Variants in STOX2 observed in about 807,000 individuals in gnomAD.
The protein encoded by STOX2 is storkhead-box protein 2.
STOX2 carries 28 observed loss-of-function variants against 60.9 expected under a neutral mutation model. The observed-to-expected ratio is 0.46, with a 90% CI of 0.34 to 0.63. The LOEUF is 0.63. STOX2 is among the 30% of genes least tolerant of loss of function. The probability of loss-of-function intolerance (pLI) is 0.01; values close to 1 mark genes in which losing one functional copy is unlikely to be tolerated. For synonymous variants in STOX2, 472 were observed against 463.9 expected, an observed-to-expected ratio of 1.02 and a Z score of -0.22; for missense variants, 1,024 against 1,187.7, an observed-to-expected ratio of 0.86 and a Z score of 2.03.
chr4:183,843,083 G>C (rs1207644856), intron 1 of STOX2, among the ~76,000 whole-genome samples: 1 of 149,662 alleles, frequency 6.7e-6, no homozygotes. Context: ...AGGAGGCAGA[G>C]GTTGCAGCGA....
rs1733572801 is a variant in STOX2, at chr4:184,001,076, G to T, written c.167-249G>T. ...CTTTCAGTACTAGGACTATTTAAAT[G>T]AGATCTCGGATGTTAAAGGGAAGTT... On this transcript the variant is annotated intron_variant, in intron 1 of 3. Transcript: ENST00000308497. This position sits in a 1 kb window ranked among gnomAD's most constrained non-coding sequence, Gnocchi z 4.2. Among the ~76,000 whole-genome samples the T allele has an allele frequency of 1.3e-5, 2 of 152,188 alleles. No individual in the cohort carries two copies. The highest frequency in any genetic ancestry group is 1.5e-5 in the Non-Finnish European group (1 of 68,038).
At chr4:183,995,109 G>C (rs892100074) in intron 1 of STOX2, among the ~76,000 whole-genome samples, 1 of 152,058 alleles carries the variant, frequency 6.6e-6, no homozygotes, top group African/African-American at 2.4e-5. Flanking sequence ...TTTGTAGCAG[G>C]TATCTTTTGG....
Position 184,001,411 on chromosome 4 carries a change from A to G in STOX2, c.253A>G (p.Met85Val), listed in dbSNP as rs775770135. The G allele has an allele frequency of 1.2e-6, 2 of 1,613,914 alleles. No individual in the cohort carries two copies. Among genetic ancestry groups the G allele is most frequent in the Non-Finnish European group, 1.7e-6 (2 of 1,179,878 alleles). ...GATCCTCTGCTTGGCCATCTCAGCA[A>G]TGAACTCGGCAAGAAAGCCTGTCAC... is the stretch of plus-strand genomic sequence containing the variant. ...GEILCLAISA[M>V]NSARKPVTQE... Residue 85 changes from methionine to valine, a missense_variant, in exon 2 of 4, where the codon ATG becomes GTG. Met to Val is a conservative substitution (Grantham distance 21, BLOSUM62 1). Transcript: ENST00000308497. This position sits in a 1 kb window ranked among gnomAD's most constrained non-coding sequence, Gnocchi z 4.2.
At chr4:184,000,405 C>T (rs1221576485) in intron 1 of STOX2, among the ~76,000 whole-genome samples, 1 of 152,176 alleles carries the variant, frequency 6.6e-6, no homozygotes, top group Non-Finnish European at 1.5e-5. Flanking sequence ...GCCACATTCT[C>T]TGAGGGAATT....
Position 183,908,569 on chromosome 4 carries a change from T to C in STOX2, c.166+1613T>C, listed in dbSNP as rs1375534382. Among the ~76,000 whole-genome samples, 3 of 149,342 alleles carry C rather than the reference T, an allele frequency of 2.0e-5. No homozygotes were observed. In the East Asian group the frequency reaches 5.9e-4, roughly 29 times the overall value. On this transcript the variant is annotated intron_variant, in intron 1 of 3. Transcript: ENST00000308497. ...AACCTGCAACACTCTGTTTCATGAT[T>C]CAGGCACATTTCCAGGCAGCCAGTT...
intron 1 of STOX2, among the ~76,000 whole-genome samples, chr4:183,981,348 G>GT (rs1732652395): frequency 1.3e-5 from 2 of 151,992 alleles, no homozygotes; most frequent in Admixed American, 6.6e-5. Flanking sequence ...GAATCTAATT[G>GT]TTTTTCCTCT....
chr4:183,827,071 C>T (rs534731498), intron 1 of STOX2, among the ~76,000 whole-genome samples: 3 of 152,298 alleles, frequency 2.0e-5, no homozygotes, highest in East Asian at 3.8e-4. Context: ...GTTAGGTGCC[C>T]AGGGTCACCT....
intron 1 of STOX2, among the ~76,000 whole-genome samples, chr4:183,866,585 T>A (rs958226447): frequency 2.0e-5 from 3 of 152,222 alleles, no homozygotes; most frequent in Non-Finnish European, 4.4e-5. Flanking sequence ...TTACTGAGAA[T>A]TACTGTGCCA....
At position 184,019,284 on chromosome 4, in the gene STOX2, G is replaced by C. The variant is rs114317929; in HGVS notation, c.*2000G>C. 1 of 152,114 alleles carries C rather than the reference G, an allele frequency of 6.6e-6. No homozygotes were observed. Among genetic ancestry groups the C allele is most frequent in the Non-Finnish European group, 1.5e-5 (1 of 68,020 alleles). 9.4% of individuals were successfully genotyped at this position (152,114 alleles called of 1,614,324 possible). A position where few individuals can be genotyped will look rare whatever the true frequency, so the allele number is the denominator to read the frequency against. Reference sequence around the variant, plus strand: ...TATTTCCTCCAAGGCATGCCTCAACGCATTGTTTGTCTCATTGCTTAAATA... The same window carrying C: ...TATTTCCTCCAAGGCATGCCTCAACCCATTGTTTGTCTCATTGCTTAAATA... On this transcript the variant is annotated 3_prime_UTR_variant, in exon 4 of 4. Transcript: ENST00000308497.
chr4:183,801,559 CT>C (rs1358620535), intron 1 of STOX2, among the ~76,000 whole-genome samples: 1 of 152,152 alleles, frequency 6.6e-6, no homozygotes, highest in Non-Finnish European at 1.5e-5. Flanking sequence ...TTACTTCTGT[CT>C]TGTGAGCTGG....
intron 1 of STOX2, among the ~76,000 whole-genome samples, chr4:183,918,259 T>G (rs1292847186): frequency 6.6e-6 from 1 of 152,254 alleles, no homozygotes; most frequent in Non-Finnish European, 1.5e-5. Flanking sequence ...ATTCACAGAA[T>G]TATTCATTTA....
chr4:184,011,114 G>A lies in STOX2; in HGVS notation c.2276G>A (p.Arg759His), dbSNP rs372857498. The A allele has an allele frequency of 4.4e-5, 69 of 1,583,100 alleles. No homozygotes were observed. Among genetic ancestry groups the A allele is most frequent in the Admixed American group, 2.7e-4 (15 of 55,222 alleles). ...GCACAAGCCATGCCTGCTTCCCAGC[G>A]TCAGCAGGAGTCAGGAGGGAACCAG... ...SAAQAMPASQ[R>H]QQESGGNQEA... is the part of the protein sequence containing the mutation. Residue 759 changes from arginine to histidine, a missense_variant, in exon 3 of 4, where the codon CGT becomes CAT. Physicochemically the swap from Arg to His is conservative, Grantham distance 29. Around this residue, in one of 3 missense-constraint regions of STOX2, gnomAD observed 922 missense variants for 1,058.3 expected, o/e 0.87. Coordinates refer to ENST00000308497, the MANE Select transcript of STOX2 (RefSeq NM_020225.3). This position sits in a 1 kb window ranked among gnomAD's most constrained non-coding sequence, Gnocchi z 4.4.
chr4:183,994,525 G>T (rs1040946703), intron 1 of STOX2, among the ~76,000 whole-genome samples: 1 of 152,202 alleles, frequency 6.6e-6, no homozygotes, highest in Non-Finnish European at 1.5e-5. Flanking sequence ...CCAGCGTGAT[G>T]GAAGCAGAGC....
chr4:183,952,867 G>C (rs1349465520), intron 1 of STOX2, among the ~76,000 whole-genome samples: 1 of 151,950 alleles, frequency 6.6e-6, no homozygotes, highest in Non-Finnish European at 1.5e-5. Flanking sequence ...CATAAAAAAG[G>C]ATGAGTTCAT....
chr4:183,972,503 G>A (rs919884732), intron 1 of STOX2, among the ~76,000 whole-genome samples: 1 of 152,176 alleles, frequency 6.6e-6, no homozygotes, highest in Admixed American at 6.5e-5. Flanking sequence ...CGCTTTGAGA[G>A]CTGAAATATG....
intron 1 of STOX2, among the ~76,000 whole-genome samples, chr4:183,860,043 A>ATATAATTC (rs1740394612): frequency 6.6e-6 from 1 of 152,156 alleles, no homozygotes; most frequent in Non-Finnish European, 1.5e-5. Context: ...TAAAGATAAT[A>ATATAATTC]TATAATTCTG....
chr4:183,861,729 G>A lies in STOX2; in HGVS notation c.364+63674G>A, dbSNP rs151269904. On this transcript the variant is annotated intron_variant, in intron 1 of 2. Transcript: ENST00000513034. ...ATATATGTAAAGTGCCTCGCAGGGC[G>A]TAGGGCTCATTGTGGGTCCTCAAAA... Among the ~76,000 whole-genome samples the A allele has an allele frequency of 2.6e-5, 4 of 152,312 alleles. No individual in the cohort carries two copies. In the East Asian group the frequency reaches 5.8e-4, roughly 22 times the overall value.
chr4:183,892,785 A>C (rs552229826), intron 1 of STOX2, among the ~76,000 whole-genome samples: 4 of 152,200 alleles, frequency 2.6e-5, no homozygotes, highest in Non-Finnish European at 2.9e-5. Context: ...CACTTGTTCC[A>C]GAGTCTGAGT....
intron 1 of STOX2, among the ~76,000 whole-genome samples, chr4:183,880,371 C>T (rs954113896): frequency 5.9e-5 from 9 of 151,710 alleles, no homozygotes; most frequent in Non-Finnish European, 1.0e-4. Flanking sequence ...AGTTATTAGA[C>T]GATTTGATTC....
Sources: gnomAD v4.1 joint callset for allele counts (sites outside exome capture counted in the v4.1 genomes callset) on GRCh38, gnomAD v4.1.1 for gene constraint, gnomAD v4.1.1 regional missense constraint, Gnocchi (gnomAD v3.1) non-coding constraint, MANE v1.5 for transcripts, NCBI Gene and HGNC (gene_info 2026-07-23, HGNC 2026-07-21) for gene names.